The following ST8SIA4 variants were observed in gnomAD, a reference collection of about 807,000 sequenced individuals.
The protein encoded by ST8SIA4 is CMP-N-acetylneuraminate-poly-alpha-2,8-sialyltransferase.
A neutral mutation model predicts 33.9 loss-of-function variants in ST8SIA4; 15 were observed. The ratio of observed to expected loss-of-function variants is 0.44; its 90% CI spans 0.30 to 0.68. The LOEUF is 0.68. Ranked by LOEUF, ST8SIA4 falls within the 30% of genes least tolerant of loss-of-function variation. ST8SIA4 has a pLI of 0.10. For missense variants in ST8SIA4, 321 were observed against 428.0 expected, an observed-to-expected ratio of 0.75 and a Z score of 2.21; for synonymous variants, 171 against 151.2, an observed-to-expected ratio of 1.13 and a Z score of -0.96.
chr5:100,888,177 C>T (rs1279068942), intron 2 of ST8SIA4, among the ~76,000 whole-genome samples: 1 of 150,950 alleles, frequency 6.6e-6, no homozygotes, highest in Non-Finnish European at 1.5e-5. Flanking sequence ...AGGGAAGAGT[C>T]CGGGACCCTA....
intron 3 of ST8SIA4, among the ~76,000 whole-genome samples, chr5:100,860,587 C>A (rs1280471107): frequency 6.6e-6 from 1 of 152,146 alleles, no homozygotes; most frequent in Non-Finnish European, 1.5e-5. Flanking sequence ...TGAAACCATT[C>A]ATTTTGCTTT....
At chr5:100,878,662 T>C (rs1392316253) in intron 3 of ST8SIA4, among the ~76,000 whole-genome samples, 1 of 152,216 alleles carries the variant, frequency 6.6e-6, no homozygotes, top group Non-Finnish European at 1.5e-5. Flanking sequence ...AGAAAAGTTT[T>C]CAAGTATCTC....
intron 1 of ST8SIA4, 71 bp downstream of exon 1, chr5:100,902,765 ATCACTCT>A (rs1432847730): frequency 2.5e-6 from 3 of 1,224,268 alleles, no homozygotes; most frequent in Non-Finnish European, 3.6e-6. Context: ...TATCCTAACC[ATCACTCT>A]ACCCTCTATA....
chr5:100,839,772 C>T (rs1751435524), intron 4 of ST8SIA4, among the ~76,000 whole-genome samples: 1 of 151,628 alleles, frequency 6.6e-6, no homozygotes, highest in Non-Finnish European at 1.5e-5. Flanking sequence ...ACAAATATTG[C>T]CATGCTATTA....
chr5:100,844,206 C>T (rs1751523143), intron 4 of ST8SIA4, among the ~76,000 whole-genome samples: 1 of 151,958 alleles, frequency 6.6e-6, no homozygotes, highest in Admixed American at 6.6e-5. Context: ...ATAAGATCAT[C>T]TGGATGAAAC....
At chr5:100,879,996 T>C (rs1752382143) in intron 3 of ST8SIA4, among the ~76,000 whole-genome samples, 1 of 152,172 alleles carries the variant, frequency 6.6e-6, no homozygotes, top group Non-Finnish European at 1.5e-5. Flanking sequence ...ATGGTAATAT[T>C]GAAGTTTGTA....
chr5:100,827,210 TTCAATA>T (rs1228693194), intron 4 of ST8SIA4, among the ~76,000 whole-genome samples: 1 of 152,156 alleles, frequency 6.6e-6, no homozygotes, highest in East Asian at 1.9e-4. Flanking sequence ...AGAGAATAAG[TTCAATA>T]TCAAGAAATA....
chr5:100,875,656 G>T (rs1395329252), intron 3 of ST8SIA4, among the ~76,000 whole-genome samples: 1 of 152,076 alleles, frequency 6.6e-6, no homozygotes, highest in Non-Finnish European at 1.5e-5. Context: ...CTGTAATTGG[G>T]CACTGTTCAT....
chr5:100,834,117 TATAC>T (rs2112417334), intron 4 of ST8SIA4, among the ~76,000 whole-genome samples: 1 of 152,272 alleles, frequency 6.6e-6, no homozygotes, highest in South Asian at 2.1e-4. Flanking sequence ...TCCATCTAAA[TATAC>T]ATGCATTTAT....
chr5:100,897,874 C>A (rs1752814784), intron 1 of ST8SIA4, among the ~76,000 whole-genome samples: 1 of 152,180 alleles, frequency 6.6e-6, no homozygotes, highest in South Asian at 2.1e-4. Flanking sequence ...GTGTGCTTTA[C>A]TGACCATCGG....
At chr5:100,849,270 T>C (rs1751634890) in intron 4 of ST8SIA4, 1 of 985,194 alleles carries the variant, frequency 1.0e-6, no homozygotes, top group South Asian at 4.7e-5. Flanking sequence ...TTGGTACGTA[T>C]ATTTTAATGG....
intron 4 of ST8SIA4, among the ~76,000 whole-genome samples, chr5:100,817,858 C>G (rs1346399481): frequency 6.6e-6 from 1 of 152,102 alleles, no homozygotes; most frequent in Non-Finnish European, 1.5e-5. Context: ...AATAAAGGGA[C>G]AGACAGACAT....
chr5:100,865,587 T>G (rs539469969), intron 3 of ST8SIA4, among the ~76,000 whole-genome samples: 1 of 152,198 alleles, frequency 6.6e-6, no homozygotes, highest in African/African-American at 2.4e-5. Flanking sequence ...CAAATCAGCA[T>G]GTTCAAATTG....
chr5:100,849,814 C>A (rs1158648306), intron 4 of ST8SIA4, among the ~76,000 whole-genome samples: 1 of 151,814 alleles, frequency 6.6e-6, no homozygotes, highest in South Asian at 2.1e-4. Context: ...ACCCAAAAAA[C>A]AAAAATAAAC....
chr5:100,869,935 T>G (rs944954058), intron 3 of ST8SIA4, among the ~76,000 whole-genome samples: 1 of 152,196 alleles, frequency 6.6e-6, no homozygotes, highest in African/African-American at 2.4e-5. Flanking sequence ...GCCATGTTGG[T>G]GTGCTGCACC....
chr5:100,888,155 G>A (rs916533636), intron 2 of ST8SIA4, among the ~76,000 whole-genome samples: 1 of 150,556 alleles, frequency 6.6e-6, no homozygotes, highest in Non-Finnish European at 1.5e-5. Flanking sequence ...TTTACACCTG[G>A]AACTAACAAG....
In ST8SIA4 at chr5:100,852,006, C is replaced by G. The variant is rs577729121; in HGVS notation, c.797+4097G>C. 5.9e-3 allele frequency among the ~76,000 whole-genome samples: 890 copies of G among 151,032 alleles called. 6 individuals are homozygous for G. The highest frequency in any genetic ancestry group is 9.8e-3 in the Non-Finnish European group (663 of 67,814). On this transcript the variant is annotated intron_variant, in intron 4 of 4. Transcript: ENST00000231461. The stretch of plus-strand genomic sequence containing the variant: ...TTGTATATTAATAATTTTCTTAGAA[C>G]TGTATAAATAAGAAGCTTTTATTTT...
In ST8SIA4 at chr5:100,885,512, A is replaced by G. The variant is rs557501401; in HGVS notation, c.503+831T>C. ...TATCTTCAAGAGACTGTGTTTTTCA[A>G]CATGTCAACTCAGCATACTTTTCTA... On this transcript the variant is annotated intron_variant, in intron 3 of 4. Coordinates refer to ENST00000231461, the MANE Select transcript of ST8SIA4 (RefSeq NM_005668.6). 14 of 932,912 alleles carry G rather than the reference A, an allele frequency of 1.5e-5. No homozygotes were observed. The South Asian group carries it at 3.4e-4, about 23-fold the overall frequency. The allele number at this position is 932,912 out of a possible 1,614,324, so 57.8% of individuals were successfully genotyped here. A position where few individuals can be genotyped will look rare whatever the true frequency, so the allele number is the denominator to read the frequency against.
intron 4 of ST8SIA4, among the ~76,000 whole-genome samples, chr5:100,833,144 T>G (rs949669078): frequency 6.6e-6 from 1 of 152,096 alleles, no homozygotes; most frequent in Non-Finnish European, 1.5e-5. Context: ...GTTAACATAT[T>G]ATTTTGCAGG....
Sources: allele counts gnomAD v4.1 joint callset (sites outside exome capture counted in the v4.1 genomes callset), GRCh38; gene constraint gnomAD v4.1.1; transcripts MANE v1.5; gene names NCBI Gene and HGNC (gene_info 2026-07-23, HGNC 2026-07-21).